Variants in NDST3 observed in about 807,000 individuals in gnomAD.
The protein encoded by NDST3 is bifunctional heparan sulfate N-deacetylase/N-sulfotransferase 3.
In NDST3, 58 loss-of-function variants were observed where a neutral mutation model predicts 96.1. That is an observed-to-expected ratio of 0.60 (90% CI 0.49 to 0.75). The LOEUF (loss-of-function observed/expected upper bound fraction) is 0.75. Among genes scored for constraint, NDST3 ranks in the 30% least tolerant of loss-of-function variants. The pLI is 0.00. For synonymous variants in NDST3, 333 were observed against 359.7 expected (o/e 0.93, Z 0.84); for missense variants, 788 against 1,034.2 (o/e 0.76, Z 3.27).
Position 118,054,639 on chromosome 4 carries a change from C to A in NDST3, c.729C>A (p.Asn243Lys). 1 of 1,613,248 alleles carries A rather than the reference C, an allele frequency of 6.2e-7. No individual in the cohort carries two copies. The highest frequency in any genetic ancestry group is 2.2e-5 in the East Asian group (1 of 44,848). Reference sequence around the variant, plus strand: ...TTGCCAAAGTAAAGACCCCAGAAAACCTTTCTCCTTCCATCTCTAAAGGTG... The same window carrying A: ...TTGCCAAAGTAAAGACCCCAGAAAAACTTTCTCCTTCCATCTCTAAAGGTG... The part of the protein sequence containing the change: ...VIFAKVKTPE[N>K]LSPSISKGAF... Residue 243 changes from asparagine to lysine, a missense_variant, in exon 2 of 14, where the codon AAC becomes AAA. By Grantham distance (94) the Asn-to-Lys change is moderately conservative (BLOSUM62 0). This residue lies in a region of NDST3 where 490 missense variants were observed against 708.8 expected (regional missense o/e 0.69). Coordinates refer to ENST00000296499, the MANE Select transcript of NDST3 (RefSeq NM_004784.3).
chr4:118,129,587 A>T lies in NDST3; in HGVS notation c.1225-8467A>T, dbSNP rs567698378. On this transcript the variant is annotated intron_variant, in intron 4 of 13. Coordinates refer to ENST00000296499, the MANE Select transcript of NDST3 (RefSeq NM_004784.3). Reference sequence around the variant, plus strand: ...TTTAGATTTGTGTAAATGTTTTAACACTTGTTTTATGACCTAACATATGGT... The same window carrying T: ...TTTAGATTTGTGTAAATGTTTTAACTCTTGTTTTATGACCTAACATATGGT... 1.1e-4 allele frequency among the ~76,000 whole-genome samples: 17 copies of T among 152,196 alleles called. No homozygotes were observed. The South Asian group carries it at 3.5e-3, about 32-fold the overall frequency.
intron 2 of NDST3, among the ~76,000 whole-genome samples, chr4:118,063,952 T>A (rs557193447): frequency 4.6e-5 from 7 of 152,160 alleles, no homozygotes; most frequent in African/African-American, 7.2e-5. Context: ...CACCTTATGG[T>A]AAATTACATC....
At chr4:118,196,300 A>G (rs1349860253) in intron 6 of NDST3, among the ~76,000 whole-genome samples, 2 of 152,034 alleles carry the variant, frequency 1.3e-5, no homozygotes, top group Non-Finnish European at 2.9e-5. Flanking sequence ...ACTGGCCTGT[A>G]GTTTTCTTTT....
chr4:118,241,427 C>A (rs1484102964), intron 11 of NDST3, among the ~76,000 whole-genome samples: 1 of 152,168 alleles, frequency 6.6e-6, no homozygotes, highest in Non-Finnish European at 1.5e-5. Flanking sequence ...ATAGACAAGA[C>A]CTGCTTTGCA....
intron 1 of NDST3, among the ~76,000 whole-genome samples, chr4:118,049,206 T>C (rs1724936390): frequency 6.6e-6 from 1 of 152,092 alleles, no homozygotes; most frequent in Non-Finnish European, 1.5e-5. Context: ...CCAAAATCTC[T>C]GGGATGCAGC....
At chr4:118,045,550 C>A (rs1262978099) in intron 1 of NDST3, among the ~76,000 whole-genome samples, 1 of 152,042 alleles carries the variant, frequency 6.6e-6, no homozygotes, top group African/African-American at 2.4e-5. Flanking sequence ...AGATAAATAA[C>A]ACATTTATCC....
At chr4:118,198,841 A>T (rs531775117) in intron 6 of NDST3, among the ~76,000 whole-genome samples, 1 of 152,258 alleles carries the variant, frequency 6.6e-6, no homozygotes, top group Non-Finnish European at 1.5e-5. Flanking sequence ...ATTCTAGCAT[A>T]AAAGTTCTCT....
chr4:118,169,554 G>GAA (rs2125935410), intron 6 of NDST3, among the ~76,000 whole-genome samples: 1 of 152,274 alleles, frequency 6.6e-6, no homozygotes, highest in African/African-American at 2.4e-5. Context: ...AGCACTTTGT[G>GAA]AGGCTGAGGC....
At chr4:118,176,431 A>T (rs1736285467) in intron 6 of NDST3, among the ~76,000 whole-genome samples, 1 of 152,136 alleles carries the variant, frequency 6.6e-6, no homozygotes, top group African/African-American at 2.4e-5. Context: ...GTCATTTATT[A>T]TCTAACCTTT....
intron 2 of NDST3, among the ~76,000 whole-genome samples, chr4:118,067,854 C>A (rs183766972): frequency 1.1e-3 from 161 of 151,744 alleles, no homozygotes; most frequent in African/African-American, 3.7e-3. Context: ...CAAACCACCA[C>A]GGCACATGTA....
chr4:118,232,837 C>T (rs1740398487), intron 8 of NDST3, among the ~76,000 whole-genome samples, 175 bp from the exon 9 acceptor site: 1 of 152,172 alleles, frequency 6.6e-6, no homozygotes, highest in Admixed American at 6.5e-5. Flanking sequence ...ACACTATCTC[C>T]ATTTTTTAGA....
intron 6 of NDST3, among the ~76,000 whole-genome samples, chr4:118,187,629 G>A (rs1737051189): frequency 6.6e-6 from 1 of 152,160 alleles, no homozygotes; most frequent in Non-Finnish European, 1.5e-5. Flanking sequence ...GGGCACATAA[G>A]AGACCCCCTT....
At chr4:118,134,154 G>T (rs888339411) in intron 4 of NDST3, among the ~76,000 whole-genome samples, 1 of 152,180 alleles carries the variant, frequency 6.6e-6, no homozygotes. Context: ...AAACATTTCA[G>T]GGGAAGAAAC....
intron 6 of NDST3, among the ~76,000 whole-genome samples, chr4:118,187,575 A>C (rs1461289862): frequency 6.6e-6 from 1 of 152,212 alleles, no homozygotes; most frequent in African/African-American, 2.4e-5. Flanking sequence ...TCCATGTGGA[A>C]GTTTGGCTGC....
Position 118,167,994 on chromosome 4 carries a change from G to A in NDST3, c.1539+24310G>A, listed in dbSNP as rs144097369. 6.7e-4 allele frequency among the ~76,000 whole-genome samples: 102 copies of A among 151,998 alleles called. 1 individual carries two copies. The highest frequency in any genetic ancestry group is 2.4e-3 in the African/African-American group (101 of 41,492). ...ATAAAGGAAAAACTTCATTACATTA[G>A]TCTTGGCAATGATTCTTGAATATGA... On this transcript the variant is annotated intron_variant, in intron 6 of 13. Coordinates refer to ENST00000296499, the MANE Select transcript of NDST3 (RefSeq NM_004784.3).
intron 2 of NDST3, among the ~76,000 whole-genome samples, chr4:118,098,022 G>A (rs974802042): frequency 1.4e-5 from 2 of 146,912 alleles, no homozygotes; most frequent in African/African-American, 2.4e-5. Context: ...GGAAGGGGGT[G>A]GGTTGCTGAA....
At chr4:118,128,670 G>T (rs1732333972) in intron 4 of NDST3, among the ~76,000 whole-genome samples, 1 of 151,888 alleles carries the variant, frequency 6.6e-6, no homozygotes, top group Non-Finnish European at 1.5e-5. Context: ...GTCTTTATCT[G>T]GTTTCGGTAT....
rs889329227 is a variant in NDST3 at position 118,114,743 on chromosome 4, T to G, written c.1070-63T>G. 138 of 1,497,034 alleles carry G rather than the reference T, an allele frequency of 9.2e-5. 1 individual carries two copies. The South Asian group carries it at 1.2e-3, about 13-fold the overall frequency. 92.7% of individuals were successfully genotyped at this position (1,497,034 alleles called of 1,614,324 possible). On this transcript the variant is annotated intron_variant, in intron 3 of 13. Coordinates refer to ENST00000296499, the MANE Select transcript of NDST3 (RefSeq NM_004784.3). The stretch of plus-strand genomic sequence containing the variant: ...TACGAGAAAAGATTAAATAGATAAG[T>G]AGATTGATTGATCATAGATCAGTGT...
intron 6 of NDST3, among the ~76,000 whole-genome samples, chr4:118,216,850 C>T (rs10027703): frequency 2.6e-3 from 394 of 152,126 alleles, no homozygotes; most frequent in African/African-American, 9.1e-3. Flanking sequence ...ATAACTGACC[C>T]TAGAATTTTT....
Sources: allele counts gnomAD v4.1 joint callset (sites outside exome capture counted in the v4.1 genomes callset), GRCh38; gene constraint gnomAD v4.1.1; regional missense constraint gnomAD v4.1.1; transcripts MANE v1.5; gene names NCBI Gene and HGNC (gene_info 2026-07-23, HGNC 2026-07-21).